GABBR2: variants seen among roughly 807,000 people sequenced by gnomAD.
GABBR2 encodes G-protein coupled receptor 51.
In GABBR2, 23 loss-of-function variants were observed where a neutral mutation model predicts 105.6. The observed-to-expected ratio is 0.22, with a 90% CI of 0.16 to 0.31. The LOEUF is 0.31. GABBR2 is among the 10% of genes least tolerant of loss of function. The pLI, the probability that GABBR2 is intolerant of heterozygous loss-of-function variation, is 1.00. For missense variants in GABBR2, 734 were observed against 1,245.5 expected (o/e 0.59, Z 6.18); for synonymous variants, 478 against 499.7 (o/e 0.96, Z 0.58).
At chr9:98,327,714 C>G (rs1052334609) in intron 13 of GABBR2, among the ~76,000 whole-genome samples, 2 of 151,752 alleles carry the variant, frequency 1.3e-5, no homozygotes, top group South Asian at 2.1e-4. Flanking sequence ...ACTAAAAATA[C>G]AAACATTAGC....
chr9:98,294,332 G>A (rs1445688883), intron 17 of GABBR2, among the ~76,000 whole-genome samples: 2 of 152,158 alleles, frequency 1.3e-5, no homozygotes, highest in African/African-American at 4.8e-5. Flanking sequence ...GTAAACTGCT[G>A]GTGGGAGAAT....
At chr9:98,330,030 A>T (rs1830996355) in intron 13 of GABBR2, among the ~76,000 whole-genome samples, 2 of 152,222 alleles carry the variant, frequency 1.3e-5, no homozygotes, top group South Asian at 4.1e-4. Context: ...CAACCAGAGT[A>T]GGCGTTATCA....
intron 1 of GABBR2, among the ~76,000 whole-genome samples, chr9:98,653,999 T>C (rs1830144656): frequency 6.6e-6 from 1 of 152,228 alleles, no homozygotes; most frequent in African/African-American, 2.4e-5. Context: ...ACTTGCTCAA[T>C]GTCACAAAGC....
At chr9:98,647,211 G>A (rs147521595) in intron 1 of GABBR2, among the ~76,000 whole-genome samples, 2 of 152,326 alleles carry the variant, frequency 1.3e-5, no homozygotes, top group African/African-American at 4.8e-5. Context: ...TCCTTTGAAG[G>A]ACTGAGTTGC....
chr9:98,382,646 T>G (rs1468593360), intron 11 of GABBR2, among the ~76,000 whole-genome samples: 3 of 152,060 alleles, frequency 2.0e-5, no homozygotes, highest in Non-Finnish European at 4.4e-5. Flanking sequence ...TAATCATCAC[T>G]GTGTCCTAAA....
intron 1 of GABBR2, among the ~76,000 whole-genome samples, chr9:98,619,920 G>A (rs1829644478): frequency 6.6e-6 from 1 of 152,186 alleles, no homozygotes; most frequent in African/African-American, 2.4e-5. Context: ...GCCTGCATAT[G>A]AACCCCAGCT....
At position 98,325,283 on chromosome 9, in the gene GABBR2, C is replaced by CTTTTT. The variant is rs886288539; in HGVS notation, c.1894-14083_1894-14079dup. Reference sequence around the variant, plus strand: ...TTCCCTTGGCTCTAGGACAGCAATTCTTTTTTTTTTTTTTTTTTTTTTTTT... The same window carrying CTTTTT: ...TTCCCTTGGCTCTAGGACAGCAATTCTTTTTTTTTTTTTTTTTTTTTTTTTTTTTT... On this transcript the variant is annotated intron_variant, in intron 13 of 18. Transcript: ENST00000259455. Among the ~76,000 whole-genome samples, 22 of 67,652 alleles carry CTTTTT rather than the reference C, an allele frequency of 3.3e-4. 1 individual carries two copies. The highest frequency in any genetic ancestry group is 8.2e-4 in the African/African-American group (13 of 15,942). The allele number at this position is 67,652 out of a possible 152,430, so 44.4% of individuals were successfully genotyped here. A position where few individuals can be genotyped will look rare whatever the true frequency, so the allele number is the denominator to read the frequency against.
At chr9:98,510,936 A>C (rs1292353681) in intron 3 of GABBR2, among the ~76,000 whole-genome samples, 1 of 152,138 alleles carries the variant, frequency 6.6e-6, no homozygotes, top group African/African-American at 2.4e-5. Context: ...CTCCACCCCA[A>C]ATCAACAGAA....
At chr9:98,486,924 A>G (rs1334385824) in intron 4 of GABBR2, among the ~76,000 whole-genome samples, 1 of 152,110 alleles carries the variant, frequency 6.6e-6, no homozygotes, top group African/African-American at 2.4e-5. Flanking sequence ...TGTCTTACTT[A>G]GACCCCACCC....
intron 3 of GABBR2, among the ~76,000 whole-genome samples, chr9:98,506,867 C>A (rs1187404936): frequency 6.6e-6 from 1 of 152,194 alleles, no homozygotes; most frequent in Non-Finnish European, 1.5e-5. Flanking sequence ...GGCCCTCACA[C>A]CCAACCCACA....
chr9:98,392,781 ACTGT>A (rs1832205001), intron 9 of GABBR2, among the ~76,000 whole-genome samples: 2 of 152,148 alleles, frequency 1.3e-5, no homozygotes, highest in Non-Finnish European at 2.9e-5. Context: ...AAGTGACTAG[ACTGT>A]CTGTTTGTCC....
chr9:98,509,079 G>A (rs1289920546), intron 3 of GABBR2, among the ~76,000 whole-genome samples: 1 of 152,180 alleles, frequency 6.6e-6, no homozygotes, highest in South Asian at 2.1e-4. Context: ...AACTTCCAGA[G>A]GAACAATCAG....
At chr9:98,305,638 G>GA (rs1466326103) in intron 15 of GABBR2, among the ~76,000 whole-genome samples, 9 of 152,130 alleles carry the variant, frequency 5.9e-5, no homozygotes, top group Admixed American at 5.9e-4. Context: ...AACATAGGGA[G>GA]ACCCCGTCTC....
At chr9:98,459,369 TG>T (rs1010160575) in intron 6 of GABBR2, among the ~76,000 whole-genome samples, 3 of 152,234 alleles carry the variant, frequency 2.0e-5, no homozygotes, top group Non-Finnish European at 2.9e-5. Flanking sequence ...TGCTTTGAGA[TG>T]GGCCCCAAAT....
intron 3 of GABBR2, among the ~76,000 whole-genome samples, chr9:98,511,495 T>C (rs1450931563): frequency 9.1e-5 from 13 of 142,494 alleles, no homozygotes; most frequent in Admixed American, 9.0e-4. Flanking sequence ...ATCAACAAAA[T>C]TGATACACCG....
Position 98,624,150 on chromosome 9 carries a change from G to T in GABBR2, c.322-46078C>A, listed in dbSNP as rs566117622. ...AAGGCAAGGGAGGTCAATGGCAGTG[G>T]TCCTGGGCACTGTGGAGGGGCTGGA... On this transcript the variant is annotated intron_variant, in intron 1 of 18. Transcript: ENST00000259455. 1.1e-4 allele frequency among the ~76,000 whole-genome samples: 17 copies of T among 152,340 alleles called. No homozygotes were observed. In the East Asian group the frequency reaches 3.1e-3, roughly 28 times the overall value.
intron 13 of GABBR2, among the ~76,000 whole-genome samples, chr9:98,345,194 T>A (rs1347279567): frequency 6.6e-6 from 1 of 152,230 alleles, no homozygotes; most frequent in Non-Finnish European, 1.5e-5. Flanking sequence ...CATCAGCTTT[T>A]GCCTGAATTA....
chr9:98,299,124 CCTGT>C (rs745655374), intron 17 of GABBR2, 96 bp downstream of exon 17: 73 of 999,416 alleles, frequency 7.3e-5, no homozygotes, highest in African/African-American at 4.0e-4. Flanking sequence ...AGTCCTGTGC[CCTGT>C]CTGAGCCTCA....
intron 1 of GABBR2, among the ~76,000 whole-genome samples, chr9:98,661,637 G>A (rs1207973993): frequency 1.3e-5 from 2 of 152,196 alleles, no homozygotes; most frequent in Non-Finnish European, 2.9e-5. Flanking sequence ...CTGACCTCAG[G>A]TGATCCACCT....
Sources: gnomAD v4.1 joint callset for allele counts (sites outside exome capture counted in the v4.1 genomes callset) on GRCh38, gnomAD v4.1.1 for gene constraint, MANE v1.5 for transcripts, NCBI Gene and HGNC (gene_info 2026-07-23, HGNC 2026-07-21) for gene names.